The following PPP1R21 variants were observed in gnomAD, a reference collection of about 807,000 sequenced individuals.
PPP1R21 encodes the protein protein phosphatase 1 regulatory subunit 21, also known as KLRAQ motif containing 1.
A neutral mutation model predicts 112.8 loss-of-function variants in PPP1R21; 85 were observed. The observed-to-expected ratio is 0.75, with a 90% CI of 0.63 to 0.90. The LOEUF is 0.90. Among genes scored for constraint, PPP1R21 ranks in the 40% least tolerant of loss-of-function variants. The pLI, the probability that PPP1R21 is intolerant of heterozygous loss-of-function variation, is 0.00. For missense variants in PPP1R21, 1,199 were observed against 901.5 expected, an observed-to-expected ratio of 1.33 and a Z score of -4.23; for synonymous variants, 381 against 322.3, an observed-to-expected ratio of 1.18 and a Z score of -1.95.
chr2:48,511,573 T>C, intron 21 of PPP1R21, 105 bp downstream of exon 21: 3 of 1,409,028 alleles, frequency 2.1e-6, no homozygotes, highest in Non-Finnish European at 2.9e-6. Context: ...TTTAAAGTGT[T>C]TGTAAGGGCC....
At chr2:48,454,828 C>G (rs756367400) in intron 3 of PPP1R21, 87 bp downstream of exon 3, 3 of 996,172 alleles carry the variant, frequency 3.0e-6, no homozygotes, top group Admixed American at 4.0e-5. Flanking sequence ...GAAGACCCCA[C>G]TGCCGAATTA....
intron 14 of PPP1R21, among the ~76,000 whole-genome samples, chr2:48,490,055 A>G (rs925073987): frequency 6.6e-6 from 1 of 151,698 alleles, no homozygotes; most frequent in Non-Finnish European, 1.5e-5. Flanking sequence ...AAACAAACGA[A>G]CAAAAATACA....
chr2:48,466,757 G>T (rs1440358237), intron 9 of PPP1R21, among the ~76,000 whole-genome samples: 1 of 152,160 alleles, frequency 6.6e-6, no homozygotes, highest in Non-Finnish European at 1.5e-5. Flanking sequence ...GAGCAGGAAA[G>T]CATAGGGAGT....
chr2:48,511,267 T>C, intron 20 of PPP1R21, 73 bp from the exon 21 acceptor site: 1 of 1,463,726 alleles, frequency 6.8e-7, no homozygotes, highest in Non-Finnish European at 9.2e-7. Context: ...CATTTTTCTT[T>C]TGTGAATTAA....
chr2:48,468,825 A>AATG (rs1553339031), intron 9 of PPP1R21, among the ~76,000 whole-genome samples: 1 of 43,906 alleles, frequency 2.3e-5, no homozygotes, highest in Non-Finnish European at 5.0e-5. Flanking sequence ...AAGAAAAAAA[A>AATG]TGTATGTGTG....
intron 20 of PPP1R21, among the ~76,000 whole-genome samples, chr2:48,510,969 G>A (rs975714368): frequency 1.3e-5 from 2 of 152,140 alleles, no homozygotes; most frequent in African/African-American, 4.8e-5. Flanking sequence ...TTAGGCCTGG[G>A]CCTTAAGCTG....
chr2:48,471,183 G>A lies in PPP1R21; in HGVS notation c.994G>A (p.Val332Ile), dbSNP rs1337813466. The change falls in exon 10 of 22, where the codon GTC becomes ATC. Residue 332 changes from valine (V) to isoleucine (I), a missense_variant. Physicochemically the swap from Val to Ile is conservative, Grantham distance 29 (BLOSUM62 3). Transcript: ENST00000294952. ...FESITEDTVT[V>I]LETTVKLKTF... is the part of the protein sequence containing the mutation. Reference sequence around the variant, plus strand: ...AAGTATCACTGAGGATACTGTGACTGTCTTGGTAATTTTCTTCCTTGTTTT... The same window carrying A: ...AAGTATCACTGAGGATACTGTGACTATCTTGGTAATTTTCTTCCTTGTTTT... 1 of 1,609,390 alleles carries A rather than the reference G, an allele frequency of 6.2e-7. No homozygotes were observed. Among genetic ancestry groups the A allele is most frequent in the Admixed American group, 1.7e-5 (1 of 59,952 alleles).
intron 14 of PPP1R21, 150 bp from the exon 15 acceptor site, chr2:48,490,868 T>G (rs1163462113): frequency 2.3e-5 from 15 of 652,070 alleles, no homozygotes; most frequent in East Asian, 8.4e-5. Context: ...TATTCTCAAA[T>G]AAATAAATGT....
At chr2:48,474,163 A>T (rs983846509) in intron 11 of PPP1R21, among the ~76,000 whole-genome samples, 1 of 151,576 alleles carries the variant, frequency 6.6e-6, no homozygotes. Flanking sequence ...CAGGCGGATC[A>T]CCCGAGGTCA....
chr2:48,460,222 C>A, intron 6 of PPP1R21, 69 bp downstream of exon 6: 1 of 1,453,882 alleles, frequency 6.9e-7, no homozygotes, highest in Non-Finnish European at 9.6e-7. Flanking sequence ...TTGGTTGTAG[C>A]AGCTCCTCTG....
rs540736288 is a variant in PPP1R21, at chr2:48,502,516, G to C, written c.1936-3048G>C. Among the ~76,000 whole-genome samples, 6 of 152,170 alleles carry C rather than the reference G, an allele frequency of 3.9e-5. No homozygotes were observed. In the East Asian group the frequency reaches 1.2e-3, roughly 29 times the overall value. ...TAATTGTGTGGCTGTGTATGTGTGTGTGTCTTTGTGTCTTTTCTGTCTTCT... is the reference window on the plus strand; with the variant it reads ...TAATTGTGTGGCTGTGTATGTGTGTCTGTCTTTGTGTCTTTTCTGTCTTCT... On this transcript the variant is annotated intron_variant, in intron 17 of 21. Transcript: ENST00000294952.
chr2:48,441,721 C>CT (rs1667040011), intron 1 of PPP1R21, among the ~76,000 whole-genome samples: 1 of 152,168 alleles, frequency 6.6e-6, no homozygotes, highest in Non-Finnish European at 1.5e-5. Flanking sequence ...TGATATAACC[C>CT]TTTCCTTGGA....
chr2:48,446,534 A>AT (rs1288266480), intron 1 of PPP1R21, among the ~76,000 whole-genome samples: 2 of 152,222 alleles, frequency 1.3e-5, no homozygotes, highest in African/African-American at 4.8e-5. Flanking sequence ...AATCTCTTAT[A>AT]TAATGTATTA....
At chr2:48,466,948 A>T (rs1668233076) in intron 9 of PPP1R21, among the ~76,000 whole-genome samples, 1 of 152,174 alleles carries the variant, frequency 6.6e-6, no homozygotes, top group Admixed American at 6.5e-5. Context: ...TGTTTGTAGG[A>T]TTGAGGCCTT....
chr2:48,475,724 G>A (rs1429997091), intron 12 of PPP1R21, among the ~76,000 whole-genome samples: 1 of 152,052 alleles, frequency 6.6e-6, no homozygotes, highest in Non-Finnish European at 1.5e-5. Flanking sequence ...GTGCGTGCCT[G>A]TAATCCCAGC....
At chr2:48,498,468 A>T (rs575573399) in intron 16 of PPP1R21, 25 bp from the exon 17 acceptor site, 2 of 1,612,866 alleles carry the variant, frequency 1.2e-6, no homozygotes, top group African/African-American at 2.7e-5. Context: ...AGTCTCTAAG[A>T]TACAACACTC....
chr2:48,462,631 G>A (rs935245945), intron 7 of PPP1R21, among the ~76,000 whole-genome samples: 1 of 152,182 alleles, frequency 6.6e-6, no homozygotes, highest in Non-Finnish European at 1.5e-5. Flanking sequence ...GGTGGGATGT[G>A]CAGGGCAAGG....
intron 17 of PPP1R21, among the ~76,000 whole-genome samples, chr2:48,504,224 T>C (rs561150740): frequency 6.6e-6 from 1 of 152,344 alleles, no homozygotes; most frequent in East Asian, 1.9e-4. Flanking sequence ...GCTCTTCTAT[T>C]TTAAAAGTTC....
Position 48,465,572 on chromosome 2 carries a change from A to T in PPP1R21, c.827A>T (p.Tyr276Phe). Residue 276 changes from tyrosine to phenylalanine, a missense_variant, in exon 9 of 22, where the codon TAC (tyrosine) becomes TTC (phenylalanine). Transcript: ENST00000294952. ...LVTALLNFHTYTEQRIQIFPV... is the reference protein window; with the variant it reads ...LVTALLNFHTFTEQRIQIFPV... ...ACGGCTCTTCTAAACTTTCATACCT[A>T]CACAGAACAGAGGATTCAAATTTTT... 6.2e-7 allele frequency: 1 copy of T among 1,613,940 alleles called. No individual in the cohort carries two copies.
Sources: gnomAD v4.1 joint callset for allele counts (sites outside exome capture counted in the v4.1 genomes callset) on GRCh38, gnomAD v4.1.1 for gene constraint, MANE v1.5 for transcripts, NCBI Gene and HGNC (gene_info 2026-07-23, HGNC 2026-07-21) for gene names.